The following MORN1 variants were observed in gnomAD, a reference collection of about 807,000 sequenced individuals.
The protein encoded by MORN1 is MORN repeat containing 1.
In MORN1, 67 loss-of-function variants were observed where a neutral mutation model predicts 61.9. That is an observed-to-expected ratio of 1.08 (90% CI 0.89 to 1.33). The LOEUF (loss-of-function observed/expected upper bound fraction) is 1.33, where lower values mean the gene tolerates loss of function less well. Among genes scored for constraint, MORN1 ranks in the 40% most tolerant of loss-of-function variants. The pLI, the probability that MORN1 is intolerant of heterozygous loss-of-function variation, is 0.00. For missense variants in MORN1, 752 were observed against 691.2 expected (o/e 1.09, Z -0.99); for synonymous variants, 301 against 292.0 (o/e 1.03, Z -0.31).
At chr1:2,338,985 G>C (rs1011016734) in intron 10 of MORN1, among the ~76,000 whole-genome samples, 2 of 152,154 alleles carry the variant, frequency 1.3e-5, no homozygotes, top group African/African-American at 4.8e-5. Context: ...GAGGACAGAG[G>C]ACACCAGGGC....
At chr1:2,382,375 C>A (rs1206143733) in intron 6 of MORN1, among the ~76,000 whole-genome samples, 1 of 152,172 alleles carries the variant, frequency 6.6e-6, no homozygotes, top group Non-Finnish European at 1.5e-5. Context: ...ATGCCCTGCT[C>A]GGACTGGTGG....
intron 7 of MORN1, 121 bp downstream of exon 7, chr1:2,374,340 C>T: frequency 1.3e-6 from 1 of 757,034 alleles, no homozygotes; most frequent in Non-Finnish European, 2.2e-6. Flanking sequence ...TTTTATATTC[C>T]ACTTTGCCCC....
At chr1:2,379,438 C>G (rs1332799636) in intron 6 of MORN1, among the ~76,000 whole-genome samples, 1 of 152,210 alleles carries the variant, frequency 6.6e-6, no homozygotes, top group East Asian at 1.9e-4. Context: ...CAGCGCCTAC[C>G]TCGTGGCCCT....
chr1:2,344,667 G>A (rs1000678485), intron 10 of MORN1, among the ~76,000 whole-genome samples: 4 of 152,208 alleles, frequency 2.6e-5, no homozygotes, highest in Admixed American at 6.5e-5. Context: ...TGGGGGCCTC[G>A]TCCCTGCGCT....
At chr1:2,378,632 A>G (rs376728026) in intron 6 of MORN1, 1 of 296,538 alleles carries the variant, frequency 3.4e-6, no homozygotes, top group East Asian at 9.1e-5. Flanking sequence ...CAGCTGATAC[A>G]GCCAGGGATG....
At chr1:2,330,577 AAATT>A (rs1440599581) in intron 12 of MORN1, among the ~76,000 whole-genome samples, 1 of 152,230 alleles carries the variant, frequency 6.6e-6, no homozygotes, top group Admixed American at 6.5e-5. Context: ...CAAGTAAAAA[AAATT>A]AATTGACTCC....
rs759485316 is a variant in MORN1 at position 2,336,792 on chromosome 1, G to A, written c.1095C>T (p.Ala365=). 32 of 1,605,712 alleles carry A rather than the reference G, an allele frequency of 2.0e-5. No individual in the cohort carries two copies. The highest frequency in any genetic ancestry group is 1.8e-4 in the East Asian group (8 of 44,808). The change falls in exon 11 of 14, where the codon GCC becomes GCT. Residue 365 remains alanine (A), a synonymous_variant. Coordinates refer to ENST00000378531, the MANE Select transcript of MORN1 (RefSeq NM_024848.3). ...GCCCCAGGAGGACATCTGTGAACTC[G>A]GCACAGCCCTGCTCCACTCGCTGAC... ...GACQRVEQGC[A]EFTDVLLGPP...
At chr1:2,375,879 G>A (rs1167432431) in intron 6 of MORN1, 3 of 152,426 alleles carry the variant, frequency 2.0e-5, no homozygotes, top group Non-Finnish European at 4.4e-5. Context: ...GCGCACCACT[G>A]ACGTCACCCC....
At chr1:2,328,719 C>T (rs992490233) in intron 12 of MORN1, among the ~76,000 whole-genome samples, 1 of 152,208 alleles carries the variant, frequency 6.6e-6, no homozygotes, top group Admixed American at 6.5e-5. Context: ...GAGCCAGGGG[C>T]CAGTGCTTTC....
chr1:2,347,749 C>A (rs544208327), intron 10 of MORN1, among the ~76,000 whole-genome samples: 1 of 152,178 alleles, frequency 6.6e-6, no homozygotes, highest in South Asian at 2.1e-4. Flanking sequence ...AGCCTTGAGG[C>A]TCCTGCTCGG....
At chr1:2,388,208 G>C (rs768683852) in intron 3 of MORN1, 31 bp downstream of exon 3, 6 of 1,549,404 alleles carry the variant, frequency 3.9e-6, no homozygotes, top group Middle Eastern at 1.7e-4. Context: ...TATGAGAAAG[G>C]AGTGAATGTG....
At chr1:2,383,658 T>C (rs1642420785) in intron 6 of MORN1, among the ~76,000 whole-genome samples, 1 of 152,236 alleles carries the variant, frequency 6.6e-6, no homozygotes, top group Admixed American at 6.5e-5. Context: ...GGCTGTGACC[T>C]GCGCTGCGTT....
At chr1:2,352,583 C>T (rs1233613884) in intron 10 of MORN1, 2 of 152,308 alleles carry the variant, frequency 1.3e-5, no homozygotes, top group African/African-American at 4.8e-5. Context: ...TGGTGAGAGC[C>T]GTCCTGCTCT....
intron 5 of MORN1, chr1:2,385,542 T>G: frequency 5.6e-6 from 2 of 354,164 alleles, no homozygotes; most frequent in Non-Finnish European, 1.0e-5. Context: ...TCAGGAGGTA[T>G]TTTAATCGGG....
chr1:2,389,861 G>A (rs772104456), intron 2 of MORN1, 64 bp downstream of exon 2: 1 of 1,482,822 alleles, frequency 6.7e-7, no homozygotes, highest in Non-Finnish European at 9.4e-7. Flanking sequence ...AACCTCCCGG[G>A]GAGAAACTGG....
chr1:2,322,448 C>A (rs995201557), intron 13 of MORN1: 6 of 985,218 alleles, frequency 6.1e-6, no homozygotes, highest in African/African-American at 3.5e-5. Flanking sequence ...AGAGCGGCGG[C>A]CTCCTCGGCC....
intron 8 of MORN1, among the ~76,000 whole-genome samples, chr1:2,364,905 G>T (rs190867453): frequency 6.6e-6 from 1 of 152,132 alleles, no homozygotes; most frequent in Non-Finnish European, 1.5e-5. Flanking sequence ...GCTCTGCTCT[G>T]TTCCATTGAT....
At chr1:2,331,659 G>A (rs1009552672) in intron 12 of MORN1, among the ~76,000 whole-genome samples, 28 of 152,198 alleles carry the variant, frequency 1.8e-4, no homozygotes, top group African/African-American at 6.5e-4. Context: ...AGCTTGTGAA[G>A]GAACCTTGGC....
chr1:2,355,723 G>C (rs1262753657), intron 10 of MORN1, among the ~76,000 whole-genome samples: 1 of 152,218 alleles, frequency 6.6e-6, no homozygotes, highest in Admixed American at 6.5e-5. Flanking sequence ...TGACCAGGAG[G>C]GTCACAGGCC....
Sources: allele counts gnomAD v4.1 joint callset (sites outside exome capture counted in the v4.1 genomes callset), GRCh38; gene constraint gnomAD v4.1.1; transcripts MANE v1.5; gene names NCBI Gene and HGNC (gene_info 2026-07-23, HGNC 2026-07-21).